The following PXMP2 variants were observed in gnomAD, a reference collection of about 807,000 sequenced individuals.
The protein encoded by PXMP2 is 22 kDa peroxisomal membrane protein.
PXMP2 carries 13 observed loss-of-function variants against 20.2 expected under a neutral mutation model. That is an observed-to-expected ratio of 0.64 (90% confidence interval 0.42 to 1.02). The LOEUF (loss-of-function observed/expected upper bound fraction) is 1.02, where lower values mean the gene tolerates loss of function less well. Ranked by LOEUF, PXMP2 falls within the 50% of genes least tolerant of loss-of-function variation. The probability of loss-of-function intolerance (pLI) is 0.00; values close to 1 mark genes in which losing one functional copy is unlikely to be tolerated. For synonymous variants in PXMP2, 113 were observed against 111.2 expected, an observed-to-expected ratio of 1.02 and a Z score of -0.10; for missense variants, 284 against 251.8, an observed-to-expected ratio of 1.13 and a Z score of -0.87.
At chr12:132,699,806 G>A (rs76764456) in intron 3 of PXMP2, among the ~76,000 whole-genome samples, 5,910 of 152,206 alleles carry the variant, frequency 0.039, 228 homozygotes, top group Admixed American at 0.12. Flanking sequence ...CGTGTTTGCT[G>A]TTGTGGATAG....
At position 132,704,693 on chromosome 12, in the gene PXMP2, G is replaced by A. The variant is rs757175530; in HGVS notation, c.*6G>A. The A allele has an allele frequency of 1.8e-5, 28 of 1,573,614 alleles. No individual in the cohort carries two copies. The highest frequency in any genetic ancestry group is 5.6e-5 in the Admixed American group (3 of 53,346). On this transcript the variant is annotated 3_prime_UTR_variant, in exon 5 of 5. Coordinates refer to ENST00000317479, the MANE Select transcript of PXMP2 (RefSeq NM_018663.3). ...TGGCCTCCTTGGGGAAGTGACGACC[G>A]CTGGGAGAACATCAGGTGCACTGTG...
Position 132,704,692 on chromosome 12 carries a change from C to A in PXMP2, c.*5C>A. On this transcript the variant is annotated 3_prime_UTR_variant, in exon 5 of 5. Transcript: ENST00000317479. Reference sequence around the variant, plus strand: ...CTGGCCTCCTTGGGGAAGTGACGACCGCTGGGAGAACATCAGGTGCACTGT... The same window carrying A: ...CTGGCCTCCTTGGGGAAGTGACGACAGCTGGGAGAACATCAGGTGCACTGT... 1 of 1,572,416 alleles carries A rather than the reference C, an allele frequency of 6.4e-7. No homozygotes were observed. The highest frequency in any genetic ancestry group is 1.2e-5 in the South Asian group (1 of 84,720).
chr12:132,702,553 C>T (rs1216283769), intron 4 of PXMP2: 5 of 301,872 alleles, frequency 1.7e-5, no homozygotes, highest in South Asian at 1.3e-4. Flanking sequence ...ACGTGCTTCC[C>T]TCCCCCAGAA....
At chr12:132,692,473 GCCAGTTAATTAGTGAGCT>G (rs2043375458) in intron 2 of PXMP2, among the ~76,000 whole-genome samples, 1 of 93,404 alleles carries the variant, frequency 1.1e-5, no homozygotes, top group Non-Finnish European at 2.5e-5. Flanking sequence ...GAGCTCCCTT[GCCAGTTAATTAGTGAGCT>G]CCCTTAGCCA....
intron 2 of PXMP2, among the ~76,000 whole-genome samples, chr12:132,693,877 TAGCC>T (rs1280916101): frequency 1.3e-5 from 1 of 78,046 alleles, no homozygotes; most frequent in Non-Finnish European, 2.8e-5. Context: ...TGAGCTCCCT[TAGCC>T]AGTTAGATAG....
chr12:132,698,012 C>CTT (rs1434779260), intron 3 of PXMP2, among the ~76,000 whole-genome samples: 7 of 140,236 alleles, frequency 5.0e-5, no homozygotes, highest in Admixed American at 1.4e-4. Flanking sequence ...GACGTGTCAC[C>CTT]TTTTTTTTTT....
chr12:132,687,917 C>A, intron 1 of PXMP2, 125 bp downstream of exon 1: 3 of 944,756 alleles, frequency 3.2e-6, no homozygotes, highest in Non-Finnish European at 3.9e-6. Flanking sequence ...ACCCCCGGAG[C>A]GGGCGCCCTC....
intron 2 of PXMP2, among the ~76,000 whole-genome samples, chr12:132,693,771 GAGCGCCCTTGCCAGTTAGTTAGTT>G (rs1372449297): frequency 2.6e-4 from 31 of 117,312 alleles, no homozygotes; most frequent in East Asian, 4.9e-4. Flanking sequence ...GTTAGTTAGT[GAGCGCCCTTGCCAGTTAGTTAGTT>G]AGCTCCCTTA....
intron 1 of PXMP2, among the ~76,000 whole-genome samples, chr12:132,689,888 TAC>T: frequency 6.6e-6 from 1 of 152,330 alleles, no homozygotes; most frequent in African/African-American, 2.4e-5. Flanking sequence ...ATCTGTTCTG[TAC>T]AGTTTTATCA....
chr12:132,691,828 T>C (rs1276879424), intron 2 of PXMP2, among the ~76,000 whole-genome samples: 1 of 152,244 alleles, frequency 6.6e-6, no homozygotes, highest in Non-Finnish European at 1.5e-5. Context: ...CCCCTCTTTT[T>C]GTTGCTGAAT....
intron 2 of PXMP2, 50 bp from the exon 3 acceptor site, chr12:132,695,834 G>A (rs2043406853): frequency 6.4e-7 from 1 of 1,552,514 alleles, no homozygotes; most frequent in Non-Finnish European, 8.7e-7. Flanking sequence ...GACCAGAGAA[G>A]AGCACATCCA....
At chr12:132,702,044 T>C (rs1331076084) in intron 4 of PXMP2, among the ~76,000 whole-genome samples, 1 of 152,178 alleles carries the variant, frequency 6.6e-6, no homozygotes, top group African/African-American at 2.4e-5. Context: ...GAGCTGAGAT[T>C]GTGCCACTGC....
intron 1 of PXMP2, 88 bp downstream of exon 1, chr12:132,687,880 C>G (rs1293817473): frequency 3.7e-5 from 40 of 1,071,710 alleles, no homozygotes; most frequent in Admixed American, 5.2e-5. Context: ...CGGGCCGGGA[C>G]CAGGCTGGGG....
At chr12:132,702,174 T>C (rs1593110159) in intron 4 of PXMP2, among the ~76,000 whole-genome samples, 3 of 152,382 alleles carry the variant, frequency 2.0e-5, no homozygotes, top group East Asian at 3.9e-4. Context: ...AGGCAGGCAC[T>C]GTGCGGCCAT....
At chr12:132,701,717 G>T in intron 4 of PXMP2, 1 of 292,166 alleles carries the variant, frequency 3.4e-6, no homozygotes, top group South Asian at 3.4e-5. Flanking sequence ...CCCAGTCCCA[G>T]GAATGTACAT....
At position 132,692,376 on chromosome 12, in the gene PXMP2, CAGTT is replaced by C. The variant is rs1379662925; in HGVS notation, c.236+2008_236+2011del. 8.4e-5 allele frequency among the ~76,000 whole-genome samples: 9 copies of C among 106,720 alleles called. 1 individual carries two copies. In the South Asian group the frequency reaches 9.6e-4, roughly 11 times the overall value. The allele number at this position is 106,720 out of a possible 152,430, so 70.0% of individuals were successfully genotyped here. ...CCAGTTAGTTAGTGAGCTCCCTTGC[CAGTT>C]AGTTAGTGAGCTCCCTTAGCCAGTT... On this transcript the variant is annotated intron_variant, in intron 2 of 4. Transcript: ENST00000317479.
chr12:132,696,588 A>C lies in PXMP2; in HGVS notation c.399+542A>C, dbSNP rs1317215596. On this transcript the variant is annotated intron_variant, in intron 3 of 4. Coordinates refer to ENST00000317479, the MANE Select transcript of PXMP2 (RefSeq NM_018663.3). This position sits in a 1 kb window ranked among gnomAD's most constrained non-coding sequence, Gnocchi z 4.4. Reference sequence around the variant, plus strand: ...CGAGGCGGGTGGATCACCTGAGGTCAGGAGTTCGAGACCAGCCTGGCCAAC... The same window carrying C: ...CGAGGCGGGTGGATCACCTGAGGTCCGGAGTTCGAGACCAGCCTGGCCAAC... 6.6e-6 allele frequency among the ~76,000 whole-genome samples: 1 copy of C among 152,096 alleles called. No homozygotes were observed. The highest frequency in any genetic ancestry group is 1.5e-5 in the Non-Finnish European group (1 of 68,020).
intron 2 of PXMP2, among the ~76,000 whole-genome samples, chr12:132,693,481 AGCCAGTTAGTGAGCTCCCTT>A: frequency 1.3e-4 from 9 of 69,618 alleles, no homozygotes; most frequent in East Asian, 3.8e-4. Flanking sequence ...GAGCTCCCTT[AGCCAGTTAGTGAGCTCCCTT>A]GCCAGTTAGT....
At chr12:132,701,125 G>C in intron 3 of PXMP2, 125 bp from the exon 4 acceptor site, 1 of 1,341,696 alleles carries the variant, frequency 7.5e-7, no homozygotes. Context: ...CATGTGTGCT[G>C]TCTGCGTACA....
Sources: allele counts gnomAD v4.1 joint callset (sites outside exome capture counted in the v4.1 genomes callset), GRCh38; gene constraint gnomAD v4.1.1; non-coding constraint Gnocchi (gnomAD v3.1); transcripts MANE v1.5; gene names NCBI Gene and HGNC (gene_info 2026-07-23, HGNC 2026-07-21).